PCDHA7: variants seen among roughly 807,000 people sequenced by gnomAD.
The protein encoded by PCDHA7 is protocadherin alpha-7.
A neutral mutation model predicts 57.2 loss-of-function variants in PCDHA7; 37 were observed. The ratio of observed to expected loss-of-function variants is 0.65; its 90% CI spans 0.50 to 0.85. The LOEUF is 0.85. PCDHA7 is among the 40% of genes least tolerant of loss of function. The pLI, the probability that PCDHA7 is intolerant of heterozygous loss-of-function variation, is 0.00. For synonymous variants in PCDHA7, 553 were observed against 558.8 expected (o/e 0.99, Z 0.15); for missense variants, 1,188 against 1,241.8 (o/e 0.96, Z 0.65).
chr5:140,834,635 G>T lies in PCDHA7; in HGVS notation c.252G>T (p.Leu84Phe). ...AGGTAAATCTGCAGAATGGCATTTT[G>T]TTTGTGAATTCTCGGATCGACCGCG... ...LLEVNLQNGI[L>F]FVNSRIDREE... Residue 84 changes from leucine to phenylalanine, a missense_variant, in exon 1 of 4, where the codon TTG (leucine) becomes TTT (phenylalanine). Leu to Phe is a conservative substitution (Grantham distance 22). Around this residue, in one of 3 missense-constraint regions of PCDHA7, gnomAD observed 194 missense variants for 185.8 expected, o/e 1.04. Coordinates refer to ENST00000525929, the MANE Select transcript of PCDHA7 (RefSeq NM_018910.3). The T allele has an allele frequency of 6.2e-7, 1 of 1,614,092 alleles. No homozygotes were observed. Among genetic ancestry groups the T allele is most frequent in the African/African-American group, 1.3e-5 (1 of 75,074 alleles).
In PCDHA7 at chr5:140,853,170, C is replaced by T. The variant is rs1034307381; in HGVS notation, c.2355+16432C>T. 1.5e-5 allele frequency: 14 copies of T among 964,092 alleles called. 1 individual carries two copies. The highest frequency in any genetic ancestry group is 4.8e-5 in the South Asian group (1 of 20,842). The allele number at this position is 964,092 out of a possible 1,614,324, so 59.7% of individuals were successfully genotyped here. A position where few individuals can be genotyped will look rare whatever the true frequency, so the allele number is the denominator to read the frequency against. ...CTGGGATTACAGGCGTGAGCCACCGCGCCTGGCCTAAAATGTGTTCTTTAT... is the reference window on the plus strand; with the variant it reads ...CTGGGATTACAGGCGTGAGCCACCGTGCCTGGCCTAAAATGTGTTCTTTAT... On this transcript the variant is annotated intron_variant, in intron 1 of 3. Transcript: ENST00000525929.
intron 1 of PCDHA7, chr5:140,930,410 CAG>C (rs2086812971): frequency 6.7e-6 from 1 of 149,986 alleles, no homozygotes; most frequent in South Asian, 2.1e-4. Flanking sequence ...TTTTTTGAGA[CAG>C]GGGTCTCACT....
intron 1 of PCDHA7, chr5:140,865,989 T>A (rs955714257): frequency 1.3e-5 from 2 of 152,172 alleles, no homozygotes; most frequent in Non-Finnish European, 2.9e-5. Flanking sequence ...TGGCACTAAG[T>A]TTTTTTATGT....
At chr5:140,960,715 CTTATTTTAGTCCA>C (rs60915889) in intron 1 of PCDHA7, among the ~76,000 whole-genome samples, 85,456 of 151,802 alleles carry the variant, frequency 0.56, 24,653 homozygotes, top group African/African-American at 0.69. Flanking sequence ...AAATACTCAT[CTTATTTTAGTCCA>C]TGATTTTAGT....
At chr5:140,846,395 G>A (rs1168454910) in intron 1 of PCDHA7, among the ~76,000 whole-genome samples, 1 of 90,540 alleles carries the variant, frequency 1.1e-5, no homozygotes, top group Non-Finnish European at 2.1e-5. Flanking sequence ...TTTTTTTTGA[G>A]ACGGAGTCTC....
At position 140,894,520 on chromosome 5, in the gene PCDHA7, C is replaced by T. The variant is rs377646516; in HGVS notation, c.2355+57782C>T. On this transcript the variant is annotated intron_variant, in intron 1 of 3. Coordinates refer to ENST00000525929, the MANE Select transcript of PCDHA7 (RefSeq NM_018910.3). ...AGGCATTATCCATAGTGTTTATATG[C>T]TGTTATGTGCCTTCTGGTTTAGTGT... is the stretch of plus-strand genomic sequence containing the variant. Among the ~76,000 whole-genome samples, 12 of 151,842 alleles carry T rather than the reference C, an allele frequency of 7.9e-5. No homozygotes were observed. In the East Asian group the frequency reaches 1.9e-3, roughly 24 times the overall value.
intron 1 of PCDHA7, among the ~76,000 whole-genome samples, chr5:140,950,831 TTAAGAC>T (rs1337916001): frequency 6.6e-6 from 1 of 152,128 alleles, no homozygotes; most frequent in Non-Finnish European, 1.5e-5. Flanking sequence ...GTTTGGTCCT[TTAAGAC>T]TATACATTTC....
intron 1 of PCDHA7, chr5:140,929,617 A>C: frequency 2.5e-6 from 1 of 401,992 alleles, no homozygotes; most frequent in Non-Finnish European, 4.5e-6. Context: ...AAATACCAAA[A>C]TATTTTATAA....
chr5:140,841,385 G>C, intron 1 of PCDHA7: 2 of 1,613,440 alleles, frequency 1.2e-6, no homozygotes, highest in Non-Finnish European at 1.7e-6. Context: ...TCTGCTCCTC[G>C]CAGCCTGGAA....
At chr5:140,936,773 C>T (rs916525557) in intron 1 of PCDHA7, among the ~76,000 whole-genome samples, 3 of 152,280 alleles carry the variant, frequency 2.0e-5, no homozygotes, top group African/African-American at 7.2e-5. Context: ...TGTAAGTTCT[C>T]TCACTTTGTT....
intron 1 of PCDHA7, among the ~76,000 whole-genome samples, chr5:140,889,267 A>T (rs1376262292): frequency 6.6e-6 from 1 of 151,966 alleles, no homozygotes; most frequent in Non-Finnish European, 1.5e-5. Context: ...AAGTTTGTAT[A>T]ATCTTTGAAT....
chr5:140,951,703 C>T (rs1000873823), intron 1 of PCDHA7, among the ~76,000 whole-genome samples: 3 of 152,110 alleles, frequency 2.0e-5, no homozygotes, highest in Non-Finnish European at 2.9e-5. Context: ...GAGCTTTGGG[C>T]GGGGACACAG....
At chr5:140,928,536 GA>G (rs782686789) in intron 1 of PCDHA7, 1 of 1,614,228 alleles carries the variant, frequency 6.2e-7, no homozygotes, top group Non-Finnish European at 8.5e-7. Context: ...TGGTAGATAG[GA>G]ATGACAATTA....
At chr5:140,936,144 T>C (rs1386720304) in intron 1 of PCDHA7, among the ~76,000 whole-genome samples, 2 of 152,158 alleles carry the variant, frequency 1.3e-5, no homozygotes, top group African/African-American at 4.8e-5. Flanking sequence ...CTGCCCGCCT[T>C]GGCCTCCTAA....
At chr5:140,959,066 G>T (rs913581823) in intron 1 of PCDHA7, among the ~76,000 whole-genome samples, 81 of 152,142 alleles carry the variant, frequency 5.3e-4, no homozygotes, top group African/African-American at 1.9e-3. Flanking sequence ...AGTATATATA[G>T]AATTCAGTAT....
At chr5:140,994,394 T>G (rs1332946220) in intron 3 of PCDHA7, among the ~76,000 whole-genome samples, 3 of 152,110 alleles carry the variant, frequency 2.0e-5, no homozygotes, top group African/African-American at 7.2e-5. Flanking sequence ...AGTCAGAGAT[T>G]ATTTGACATT....
intron 1 of PCDHA7, chr5:140,869,328 G>C: frequency 1.2e-6 from 2 of 1,613,960 alleles, no homozygotes; most frequent in Non-Finnish European, 1.7e-6. Flanking sequence ...GGGACCTTCT[G>C]GAGGTAAATC....
intron 1 of PCDHA7, chr5:140,927,757 A>G (rs957906084): frequency 3.2e-5 from 51 of 1,614,028 alleles, no homozygotes; most frequent in Admixed American, 1.0e-4. Flanking sequence ...CGTGCACCCT[A>G]AAAGTGGGGA....
intron 3 of PCDHA7, among the ~76,000 whole-genome samples, chr5:140,991,069 G>T (rs1156985445): frequency 6.6e-6 from 1 of 152,136 alleles, no homozygotes; most frequent in Non-Finnish European, 1.5e-5. Flanking sequence ...TTATTCCCAT[G>T]TTTCAGATAA....
Sources: gnomAD v4.1 joint callset for allele counts (sites outside exome capture counted in the v4.1 genomes callset) on GRCh38, gnomAD v4.1.1 for gene constraint, gnomAD v4.1.1 regional missense constraint, MANE v1.5 for transcripts, NCBI Gene and HGNC (gene_info 2026-07-23, HGNC 2026-07-21) for gene names.